Variants in IFT74 observed in about 807,000 individuals in gnomAD.
IFT74 encodes the protein intraflagellar transport 74, also known as intraflagellar transport protein 74 homolog.
A neutral mutation model predicts 96.7 loss-of-function variants in IFT74; 92 were observed. That is an observed-to-expected ratio of 0.95 (90% CI 0.80 to 1.13). The LOEUF (loss-of-function observed/expected upper bound fraction) is 1.13. Ranked by LOEUF, IFT74 falls within the 50% of genes most tolerant of loss-of-function variation. The pLI, the probability that IFT74 is intolerant of heterozygous loss-of-function variation, is 0.00. For missense variants in IFT74, 811 were observed against 698.2 expected, an observed-to-expected ratio of 1.16 and a Z score of -1.82; for synonymous variants, 223 against 213.2, an observed-to-expected ratio of 1.05 and a Z score of -0.40.
chr9:27,017,055 G>C lies in IFT74; in HGVS notation c.933+5G>C. The C allele has an allele frequency of 6.3e-7, 1 of 1,593,766 alleles. No homozygotes were observed. Among genetic ancestry groups the C allele is most frequent in the Non-Finnish European group, 8.5e-7 (1 of 1,173,136 alleles). ...AGAGAGAAATTACTTAAGCAGGTGG[G>C]CAAAACAAACATACTTATTTTAAGA... On this transcript the variant is annotated splice_donor_5th_base_variant and intron_variant, in intron 11 of 19. Transcript: ENST00000380062.
At chr9:27,052,507 C>CAAAAAAAAAAAAAAAAAAAAAA (rs1187027414) in intron 16 of IFT74, among the ~76,000 whole-genome samples, 1 of 57,204 alleles carries the variant, frequency 1.7e-5, no homozygotes, top group African/African-American at 6.3e-5. Context: ...AAATCTATCT[C>CAAAAAAAAAAAAAAAAAAAAAA]AAAAAAAAAA....
chr9:27,020,893 C>A (rs1330895055), intron 12 of IFT74, among the ~76,000 whole-genome samples: 2 of 152,062 alleles, frequency 1.3e-5, no homozygotes, highest in Admixed American at 1.3e-4. Flanking sequence ...TCCACTCTAC[C>A]CACTGTGTAG....
chr9:26,977,313 T>A (rs2184439), intron 2 of IFT74, among the ~76,000 whole-genome samples: 24,937 of 151,992 alleles, frequency 0.16, 3,017 homozygotes, highest in East Asian at 0.68. Context: ...AAGTAGAGTT[T>A]TGAACCAGGC....
At position 27,062,809 on chromosome 9, in the gene IFT74, A is replaced by G. The variant is rs991642749; in HGVS notation, c.*73A>G. The G allele has an allele frequency of 1.6e-5, 13 of 790,318 alleles. No individual in the cohort carries two copies. The highest frequency in any genetic ancestry group is 2.7e-5 in the Non-Finnish European group (13 of 484,492). The allele number at this position is 790,318 out of a possible 1,614,324, so 49.0% of individuals were successfully genotyped here. On this transcript the variant is annotated 3_prime_UTR_variant, in exon 20 of 20. Transcript: ENST00000380062. Reference sequence around the variant, plus strand: ...ACTTGGTACAAGTTGACTACCAAAAAAAAAAAAAGCTTACTTTTGGAGTTT... The same window carrying G: ...ACTTGGTACAAGTTGACTACCAAAAGAAAAAAAAGCTTACTTTTGGAGTTT...
At chr9:27,061,585 A>G (rs1392803428) in intron 19 of IFT74, among the ~76,000 whole-genome samples, 1 of 151,708 alleles carries the variant, frequency 6.6e-6, no homozygotes, top group Non-Finnish European at 1.5e-5. Flanking sequence ...CCAGAATTGT[A>G]TCATCTCTAA....
rs115968242 is a variant in IFT74 at position 27,003,899 on chromosome 9, T to C, written c.588-5121T>C. On this transcript the variant is annotated intron_variant, in intron 8 of 19. Coordinates refer to ENST00000380062, the MANE Select transcript of IFT74 (RefSeq NM_025103.4). ...TAGTTTACCTATGTTTAATGATTTA[T>C]AGGAATAGGTGTTCAGCTCCTTCAA... Among the ~76,000 whole-genome samples, 537 of 152,318 alleles carry C rather than the reference T, an allele frequency of 3.5e-3. 5 individuals carry two copies. The highest frequency in any genetic ancestry group is 0.012 in the African/African-American group (514 of 41,570).
At chr9:27,021,004 T>C (rs766576064) in intron 12 of IFT74, among the ~76,000 whole-genome samples, 1 of 152,176 alleles carries the variant, frequency 6.6e-6, no homozygotes, top group African/African-American at 2.4e-5. Flanking sequence ...CTCCCACTTA[T>C]AAATGAGAAC....
At chr9:26,948,103 A>AC (rs1825805024) in intron 1 of IFT74, among the ~76,000 whole-genome samples, 1 of 151,624 alleles carries the variant, frequency 6.6e-6, no homozygotes, top group Non-Finnish European at 1.5e-5. Context: ...TAAAACTCCT[A>AC]CTCTAGGTTT....
chr9:27,025,443 C>CAAAAAAAAAA (rs57335230), intron 12 of IFT74, among the ~76,000 whole-genome samples: 60 of 77,422 alleles, frequency 7.7e-4, no homozygotes, highest in Middle Eastern at 6.9e-3. Flanking sequence ...ACTCCATCTC[C>CAAAAAAAAAA]AAAAAAAAAA....
At chr9:26,948,363 C>T (rs1032557729) in intron 1 of IFT74, among the ~76,000 whole-genome samples, 2 of 150,670 alleles carry the variant, frequency 1.3e-5, no homozygotes, top group Admixed American at 6.6e-5. Context: ...TCCAGCCAAT[C>T]CTACACATTA....
chr9:26,999,750 C>T (rs1263952260), intron 8 of IFT74: 3 of 1,255,940 alleles, frequency 2.4e-6, no homozygotes, highest in African/African-American at 3.2e-5. Context: ...TTATTTTTCC[C>T]TCTTTTGAAT....
intron 8 of IFT74, chr9:26,994,765 A>G (rs146550893): frequency 1.4e-4 from 21 of 152,772 alleles, no homozygotes; most frequent in African/African-American, 5.1e-4. Context: ...GTGTCAGCAC[A>G]GACCAATTTG....
intron 13 of IFT74, among the ~76,000 whole-genome samples, chr9:27,035,750 A>G (rs895498403): frequency 7.2e-5 from 11 of 152,242 alleles, no homozygotes; most frequent in African/African-American, 2.7e-4. Context: ...TAATTAGATA[A>G]TAAAAATTAT....
intron 18 of IFT74, among the ~76,000 whole-genome samples, chr9:27,059,201 T>C (rs1820303088): frequency 6.6e-6 from 1 of 152,202 alleles, no homozygotes; most frequent in Admixed American, 6.5e-5. Context: ...TCTGTGTTAT[T>C]TGTCATCTTT....
intron 8 of IFT74, chr9:26,996,459 C>T: frequency 6.5e-7 from 1 of 1,548,128 alleles, no homozygotes; most frequent in South Asian, 1.3e-5. Flanking sequence ...TGTAGCTCTG[C>T]AGGCTGTTGG....
chr9:27,015,958 C>T (rs1829324322), intron 10 of IFT74, among the ~76,000 whole-genome samples: 1 of 152,122 alleles, frequency 6.6e-6, no homozygotes, highest in Non-Finnish European at 1.5e-5. Context: ...GTGTTGTTAG[C>T]TAATAACATT....
intron 14 of IFT74, among the ~76,000 whole-genome samples, chr9:27,045,329 C>T (rs1281559249): frequency 1.3e-5 from 2 of 152,170 alleles, no homozygotes; most frequent in African/African-American, 2.4e-5. Flanking sequence ...AGCCCTGGTC[C>T]ATAGAAAAAT....
intron 1 of IFT74, among the ~76,000 whole-genome samples, chr9:26,959,326 G>A (rs1460067194): frequency 1.3e-5 from 2 of 152,076 alleles, no homozygotes; most frequent in Non-Finnish European, 2.9e-5. Flanking sequence ...AGCCAGGATG[G>A]TCTCGATCTC....
intron 1 of IFT74, among the ~76,000 whole-genome samples, chr9:26,959,881 C>T (rs1826278536): frequency 6.6e-6 from 1 of 152,154 alleles, no homozygotes; most frequent in East Asian, 1.9e-4. Context: ...CTTTGCAGTA[C>T]CCCAGTCTGT....
Sources: allele counts gnomAD v4.1 joint callset (sites outside exome capture counted in the v4.1 genomes callset), GRCh38; gene constraint gnomAD v4.1.1; transcripts MANE v1.5; gene names NCBI Gene and HGNC (gene_info 2026-07-23, HGNC 2026-07-21).